FNIP2: variants seen among roughly 807,000 people sequenced by gnomAD.
The protein encoded by FNIP2 is folliculin interacting protein 2, also known as folliculin-interacting protein 2.
In FNIP2, 32 loss-of-function variants were observed where a neutral mutation model predicts 108.7. The observed-to-expected ratio is 0.29, with a 90% CI of 0.22 to 0.40. The LOEUF is 0.40. Among genes scored for constraint, FNIP2 ranks in the 10% least tolerant of loss-of-function variants. The pLI is 1.00. For synonymous variants in FNIP2, 480 were observed against 496.7 expected (o/e 0.97, Z 0.45); for missense variants, 1,202 against 1,381.6 (o/e 0.87, Z 2.06).
intron 6 of FNIP2, chr4:158,834,329 T>TCTCTCTCTCTCTCTCTCTCTCC (rs1194083212): frequency 4.0e-5 from 6 of 149,422 alleles, no homozygotes; most frequent in African/African-American, 1.5e-4. Flanking sequence ...TCTCTCTCTC[T>TCTCTCTCTCTCTCTCTCTCTCC]CCCTCTCTAA....
intron 2 of FNIP2, among the ~76,000 whole-genome samples, chr4:158,828,697 T>C (rs375460991): frequency 6.6e-6 from 1 of 152,308 alleles, no homozygotes; most frequent in East Asian, 1.9e-4. Flanking sequence ...ATTTGCTTAG[T>C]AAAAATTTAG....
At chr4:158,852,940 T>C (rs1020239620) in intron 8 of FNIP2, among the ~76,000 whole-genome samples, 64 of 152,286 alleles carry the variant, frequency 4.2e-4, no homozygotes, top group Admixed American at 3.8e-3. Flanking sequence ...GCTACCTAGT[T>C]TATGGGCCAG....
intron 1 of FNIP2, among the ~76,000 whole-genome samples, chr4:158,773,177 AG>A (rs1775753211): frequency 6.6e-6 from 1 of 152,212 alleles, no homozygotes; most frequent in Non-Finnish European, 1.5e-5. Context: ...TATAAATAGC[AG>A]TTTTGATTTC....
At position 158,859,651 on chromosome 4, in the gene FNIP2, C is replaced by T. The variant is rs755342125; in HGVS notation, c.1133C>T (p.Ala378Val). ...VQFYVSRLME[A>V]LGEFRGTIWN... ...TTTTATGTCAGCCGTTTGATGGAAG[C>T]TCTGGGAGAATTCAGGTAAAGTGGC... Residue 378 changes from alanine (A) to valine (V), a missense_variant, in exon 10 of 17, where the codon GCT (alanine) becomes GTT (valine). By Grantham distance (64) the Ala-to-Val change is moderately conservative (BLOSUM62 0). Transcript: ENST00000264433. The T allele has an allele frequency of 1.9e-5, 31 of 1,613,074 alleles. No individual in the cohort carries two copies. Among genetic ancestry groups the T allele is most frequent in the Non-Finnish European group, 2.6e-5 (31 of 1,179,490 alleles).
chr4:158,832,160 C>G (rs1209886865), intron 5 of FNIP2, 22 bp downstream of exon 5: 1 of 1,579,234 alleles, frequency 6.3e-7, no homozygotes, highest in South Asian at 1.1e-5. Context: ...ATTTTGCATT[C>G]CCCACCCCCA....
chr4:158,883,238 T>G (rs548305369), intron 14 of FNIP2, among the ~76,000 whole-genome samples: 174 of 133,602 alleles, frequency 1.3e-3, no homozygotes, highest in East Asian at 2.9e-3. Context: ...GTGTGTGTGT[T>G]TTTTGTTTTT....
intron 1 of FNIP2, among the ~76,000 whole-genome samples, chr4:158,778,583 A>G (rs1182311793): frequency 6.6e-6 from 1 of 152,022 alleles, no homozygotes; most frequent in Non-Finnish European, 1.5e-5. Context: ...TCACGTTCGC[A>G]TAACTATGAT....
intron 14 of FNIP2, among the ~76,000 whole-genome samples, chr4:158,887,079 C>T (rs1014351314): frequency 1.3e-5 from 2 of 152,188 alleles, no homozygotes; most frequent in African/African-American, 4.8e-5. Flanking sequence ...CGTTGGGGTA[C>T]AGGCATGCCC....
At chr4:158,850,316 C>CT (rs1713546017) in intron 7 of FNIP2, among the ~76,000 whole-genome samples, 2 of 152,050 alleles carry the variant, frequency 1.3e-5, no homozygotes, top group Non-Finnish European at 2.9e-5. Context: ...ATTTCAATGT[C>CT]TAATTCCTTA....
At chr4:158,850,335 G>A (rs559241049) in intron 7 of FNIP2, among the ~76,000 whole-genome samples, 28 of 152,076 alleles carry the variant, frequency 1.8e-4, no homozygotes, top group African/African-American at 5.8e-4. Flanking sequence ...TAGCCTTAGG[G>A]AAGTAAAAGC....
chr4:158,843,485 T>G (rs1037777830), intron 7 of FNIP2, among the ~76,000 whole-genome samples: 1 of 152,224 alleles, frequency 6.6e-6, no homozygotes, highest in Non-Finnish European at 1.5e-5. Flanking sequence ...CAAATGGATA[T>G]TATCCCTGAT....
At chr4:158,793,964 A>G (rs1311666301) in intron 1 of FNIP2, among the ~76,000 whole-genome samples, 1 of 152,212 alleles carries the variant, frequency 6.6e-6, no homozygotes, top group Non-Finnish European at 1.5e-5. Context: ...CCACATGTCT[A>G]GTCGGCCCTT....
chr4:158,859,577 G>A lies in FNIP2; in HGVS notation c.1060-1G>A. On this transcript the variant is annotated splice_acceptor_variant, in intron 9 of 16. Coordinates refer to ENST00000264433, the MANE Select transcript of FNIP2 (RefSeq NM_020840.3). LOFTEE classifies it high-confidence loss of function. ...TTTGACTTGCTTTCTCTTCAATAAAGGCTATGATCTCCTGTAGGAAAATAG... is the reference window on the plus strand; with the variant it reads ...TTTGACTTGCTTTCTCTTCAATAAAAGCTATGATCTCCTGTAGGAAAATAG... The A allele has an allele frequency of 1.9e-6, 3 of 1,611,430 alleles. No homozygotes were observed. The highest frequency in any genetic ancestry group is 2.5e-6 in the Non-Finnish European group (3 of 1,178,426).
At chr4:158,793,815 G>A (rs1776497485) in intron 1 of FNIP2, among the ~76,000 whole-genome samples, 1 of 152,138 alleles carries the variant, frequency 6.6e-6, no homozygotes, top group South Asian at 2.1e-4. Context: ...TGGCCACTGG[G>A]TTAGGTTTCA....
At chr4:158,806,272 A>G (rs1776950508) in intron 1 of FNIP2, 2 of 1,289,426 alleles carry the variant, frequency 1.6e-6, no homozygotes, top group Non-Finnish European at 2.0e-6. Flanking sequence ...AGCGAACACC[A>G]CAAACCAGCC....
At chr4:158,777,732 C>T (rs537385696) in intron 1 of FNIP2, among the ~76,000 whole-genome samples, 70 of 152,236 alleles carry the variant, frequency 4.6e-4, no homozygotes, top group African/African-American at 1.3e-3. Flanking sequence ...ACCATGTGGA[C>T]GCTGGTAACT....
intron 16 of FNIP2, among the ~76,000 whole-genome samples, chr4:158,898,781 C>G (rs1782927230): frequency 6.6e-6 from 1 of 152,192 alleles, no homozygotes; most frequent in African/African-American, 2.4e-5. Flanking sequence ...CATCTGCAAA[C>G]AGAGACAATT....
intron 1 of FNIP2, among the ~76,000 whole-genome samples, chr4:158,822,234 G>A (rs1777926273): frequency 7.2e-6 from 1 of 138,600 alleles, no homozygotes; most frequent in African/African-American, 2.7e-5. Context: ...CTGCAATGCA[G>A]TGATGCGATC....
At chr4:158,843,827 A>C (rs1047333592) in intron 7 of FNIP2, among the ~76,000 whole-genome samples, 2 of 152,220 alleles carry the variant, frequency 1.3e-5, no homozygotes, top group Non-Finnish European at 2.9e-5. Context: ...ATGGCTGCTG[A>C]AGACAGAGAA....
Sources: allele counts gnomAD v4.1 joint callset (sites outside exome capture counted in the v4.1 genomes callset), GRCh38; gene constraint gnomAD v4.1.1; transcripts MANE v1.5; gene names NCBI Gene and HGNC (gene_info 2026-07-23, HGNC 2026-07-21).